Variants in SCAF4 observed in about 807,000 individuals in gnomAD.
SCAF4 encodes the protein SR-related CTD associated factor 4.
In SCAF4, 25 loss-of-function variants were observed where a neutral mutation model predicts 129.8. That is an observed-to-expected ratio of 0.19 (90% CI 0.14 to 0.27). The LOEUF (loss-of-function observed/expected upper bound fraction) is 0.27. SCAF4 is among the 10% of genes least tolerant of loss of function. The probability of loss-of-function intolerance (pLI) is 1.00; values close to 1 mark genes in which losing one functional copy is unlikely to be tolerated. For missense variants in SCAF4, 1,246 were observed against 1,457.1 expected, an observed-to-expected ratio of 0.86 and a Z score of 2.36; for synonymous variants, 551 against 497.7, an observed-to-expected ratio of 1.11 and a Z score of -1.43.
intron 7 of SCAF4, chr21:31,700,746 T>TC: frequency 2.4e-6 from 1 of 411,936 alleles, no homozygotes. Context: ...TTTTTCTTTT[T>TC]TTTTTTTTTT....
At chr21:31,698,473 C>A (rs2050440955) in intron 7 of SCAF4, among the ~76,000 whole-genome samples, 1 of 152,080 alleles carries the variant, frequency 6.6e-6, no homozygotes, top group Non-Finnish European at 1.5e-5. Context: ...CAGAGTTTTC[C>A]AGTTCATCTG....
In SCAF4 at chr21:31,671,415, G is replaced by C. The variant is rs762696273; in HGVS notation, c.3428C>G (p.Ala1143Gly). 4.3e-6 allele frequency: 7 copies of C among 1,613,672 alleles called. 1 individual carries two copies. In the South Asian group the frequency reaches 7.7e-5, roughly 18 times the overall value. Residue 1143 changes from alanine (A) to glycine (G), a missense_variant, in exon 20 of 20, where the codon GCA becomes GGA. This residue lies in a region of SCAF4 where 339 missense variants were observed against 325.0 expected (regional missense o/e 1.04). Coordinates refer to ENST00000286835, the MANE Select transcript of SCAF4 (RefSeq NM_020706.2). ...VEPEKDSGSAAEAPR is the reference protein window; with the variant it reads ...VEPEKDSGSAGEAPR Reference sequence around the variant, plus strand: ...TTCCAGTCTCTAACGAGGAGCCTCTGCTGCTGAGCCAGAATCCTTTTCGGG... The same window carrying C: ...TTCCAGTCTCTAACGAGGAGCCTCTCCTGCTGAGCCAGAATCCTTTTCGGG...
intron 1 of SCAF4, among the ~76,000 whole-genome samples, chr21:31,718,594 C>T (rs1189902068): frequency 6.6e-6 from 1 of 152,220 alleles, no homozygotes; most frequent in Non-Finnish European, 1.5e-5. Flanking sequence ...CCTCATCCCA[C>T]CCCGAAAAGC....
chr21:31,679,486 T>C (rs947229351), intron 19 of SCAF4, among the ~76,000 whole-genome samples: 1 of 152,220 alleles, frequency 6.6e-6, no homozygotes, highest in Non-Finnish European at 1.5e-5. Flanking sequence ...TCCTGGGTTA[T>C]TCTTATAGAA....
chr21:31,697,457 C>A (rs1410980019), intron 7 of SCAF4, among the ~76,000 whole-genome samples: 1 of 152,120 alleles, frequency 6.6e-6, no homozygotes, highest in African/African-American at 2.4e-5. Flanking sequence ...AAGAACACTG[C>A]AATGTAGATA....
In SCAF4 at chr21:31,692,188, T is replaced by C. The variant is rs982295885; in HGVS notation, c.1614+161A>G. On this transcript the variant is annotated intron_variant, in intron 13 of 19. Transcript: ENST00000286835. The stretch of plus-strand genomic sequence containing the variant: ...GTTAAATACAAAGAATTCTAAGAAA[T>C]GTTAAATACAGATAATTCTAAACGT... 9.4e-5 allele frequency: 56 copies of C among 594,202 alleles called. No homozygotes were observed. In the East Asian group the frequency reaches 1.5e-3, roughly 16 times the overall value. 36.8% of individuals were successfully genotyped at this position (594,202 alleles called of 1,614,324 possible).
intron 1 of SCAF4, 60 bp from the exon 2 acceptor site, chr21:31,706,417 C>G (rs775808329): frequency 8.9e-7 from 1 of 1,126,580 alleles, no homozygotes; most frequent in Non-Finnish European, 1.3e-6. Context: ...TAAATAAGCA[C>G]CTTTCCTACA....
At chr21:31,724,290 G>T (rs2051148088) in intron 1 of SCAF4, among the ~76,000 whole-genome samples, 1 of 152,082 alleles carries the variant, frequency 6.6e-6, no homozygotes, top group Admixed American at 6.6e-5. Flanking sequence ...TCCTGGTAAG[G>T]CCTCTTCTAA....
At chr21:31,715,550 A>G (rs2833487) in intron 1 of SCAF4, among the ~76,000 whole-genome samples, 11,080 of 152,204 alleles carry the variant, frequency 0.073, 555 homozygotes, top group African/African-American at 0.14. Context: ...CTTTCACCAG[A>G]ATTCCCATCA....
At chr21:31,721,329 T>C (rs2051061750) in intron 1 of SCAF4, among the ~76,000 whole-genome samples, 1 of 143,380 alleles carries the variant, frequency 7.0e-6, no homozygotes, top group South Asian at 2.1e-4. Flanking sequence ...TCAGCATCTT[T>C]TAATCAATGT....
chr21:31,688,558 C>A, intron 15 of SCAF4, 94 bp from the exon 16 acceptor site: 9 of 1,007,468 alleles, frequency 8.9e-6, no homozygotes, highest in South Asian at 1.6e-5. Context: ...AAAACCTAGC[C>A]CAGTTATTAA....
At chr21:31,672,933 A>T (rs2049748656) in intron 19 of SCAF4, among the ~76,000 whole-genome samples, 1 of 152,274 alleles carries the variant, frequency 6.6e-6, no homozygotes, top group Non-Finnish European at 1.5e-5. Flanking sequence ...ACTAATGTCT[A>T]CAAAACAAAG....
At position 31,696,642 on chromosome 21, in the gene SCAF4, G is replaced by C; in HGVS notation, c.886C>G (p.Pro296Ala). Residue 296 changes from proline (P) to alanine (A), a missense_variant, in exon 8 of 20, where the codon CCT (proline) becomes GCT (alanine). Coordinates refer to ENST00000286835, the MANE Select transcript of SCAF4 (RefSeq NM_020706.2). Reference sequence around the variant, plus strand: ...GCAGGCACGGTGGCGGTGGGTGCAGGGGGTACTGCGGCAGCAGGTGCTGTC... The same window carrying C: ...GCAGGCACGGTGGCGGTGGGTGCAGCGGGTACTGCGGCAGCAGGTGCTGTC... ...TTTAPAAAVP[P>A]APTATVPAAA... 2 of 1,613,968 alleles carry C rather than the reference G, an allele frequency of 1.2e-6. No individual in the cohort carries two copies. Among genetic ancestry groups the C allele is most frequent in the Non-Finnish European group, 1.7e-6 (2 of 1,179,958 alleles).
At chr21:31,701,727 A>G in intron 6 of SCAF4, 49 bp downstream of exon 6, 1 of 1,546,144 alleles carries the variant, frequency 6.5e-7, no homozygotes, top group Non-Finnish European at 8.7e-7. Flanking sequence ...AAGAAGTGAC[A>G]ACAGTACCTA....
At chr21:31,728,717 T>A (rs2051270660) in intron 1 of SCAF4, among the ~76,000 whole-genome samples, 1 of 152,100 alleles carries the variant, frequency 6.6e-6, no homozygotes, top group Non-Finnish European at 1.5e-5. Context: ...CCCTTTCAAT[T>A]TTCCCCCATC....
At chr21:31,693,100 A>G (rs1381702974) in intron 12 of SCAF4, among the ~76,000 whole-genome samples, 194 bp downstream of exon 12, 1 of 152,230 alleles carries the variant, frequency 6.6e-6, no homozygotes, top group Non-Finnish European at 1.5e-5. Flanking sequence ...GCTGCTTTAT[A>G]GCTGGTTTAA....
At chr21:31,706,728 G>A (rs573090339) in intron 1 of SCAF4, 1 of 230,880 alleles carries the variant, frequency 4.3e-6, no homozygotes, top group Admixed American at 5.4e-5. Flanking sequence ...GCAAACAAAA[G>A]GGAAAGGGAG....
At chr21:31,674,908 G>A (rs1469580458) in intron 19 of SCAF4, among the ~76,000 whole-genome samples, 1 of 152,168 alleles carries the variant, frequency 6.6e-6, no homozygotes, top group Non-Finnish European at 1.5e-5. Flanking sequence ...AATTTCAATT[G>A]CTGTAGGAGA....
intron 15 of SCAF4, among the ~76,000 whole-genome samples, chr21:31,689,152 A>G (rs2050198235): frequency 6.6e-6 from 1 of 152,074 alleles, no homozygotes; most frequent in African/African-American, 2.4e-5. Context: ...TAGGCCCTCA[A>G]TACCTGATTG....
Sources: allele counts gnomAD v4.1 joint callset (sites outside exome capture counted in the v4.1 genomes callset), GRCh38; gene constraint gnomAD v4.1.1; regional missense constraint gnomAD v4.1.1; transcripts MANE v1.5; gene names NCBI Gene and HGNC (gene_info 2026-07-23, HGNC 2026-07-21).